The following CDKAL1 variants were observed in gnomAD, a reference collection of about 807,000 sequenced individuals.
The protein encoded by CDKAL1 is CDKAL1 threonylcarbamoyladenosine tRNA methylthiotransferase.
In CDKAL1, 32 loss-of-function variants were observed where a neutral mutation model predicts 68.2. The observed-to-expected ratio is 0.47, with a 90% CI of 0.35 to 0.63. The LOEUF (loss-of-function observed/expected upper bound fraction) is 0.63, where lower values mean the gene tolerates loss of function less well. CDKAL1 is among the 30% of genes least tolerant of loss of function. CDKAL1 has a pLI of 0.00. For synonymous variants in CDKAL1, 234 were observed against 244.3 expected (o/e 0.96, Z 0.39); for missense variants, 606 against 696.7 (o/e 0.87, Z 1.47).
intron 10 of CDKAL1, among the ~76,000 whole-genome samples, chr6:20,971,214 T>G (rs1438733565): frequency 6.6e-6 from 1 of 152,210 alleles, no homozygotes; most frequent in East Asian, 1.9e-4. Context: ...TTATTTCTAT[T>G]CTGATAGATA....
At chr6:20,951,621 A>C (rs1223438741) in intron 9 of CDKAL1, among the ~76,000 whole-genome samples, 1 of 152,158 alleles carries the variant, frequency 6.6e-6, no homozygotes, top group Non-Finnish European at 1.5e-5. Flanking sequence ...TTTCCTGTAC[A>C]GTGCATTTCA....
Position 20,740,248 on chromosome 6 carries a change from A to G in CDKAL1, c.468+633A>G, listed in dbSNP as rs9465876. 4.0e-3 allele frequency among the ~76,000 whole-genome samples: 610 copies of G among 152,252 alleles called. 3 individuals are homozygous for G. The highest frequency in any genetic ancestry group is 0.014 in the African/African-American group (568 of 41,526). On this transcript the variant is annotated intron_variant, in intron 6 of 15. Transcript: ENST00000274695. ...TAGCCTTTCCTGTGATACCTGGCAC[A>G]TAGTAAGCACTCAATAAGTGTTTGT...
At chr6:21,174,303 A>G (rs1777499076) in intron 13 of CDKAL1, among the ~76,000 whole-genome samples, 2 of 152,228 alleles carry the variant, frequency 1.3e-5, no homozygotes, top group Non-Finnish European at 2.9e-5. Flanking sequence ...TGATGATAGT[A>G]TCAACTGTCC....
At chr6:20,665,389 A>G (rs559414222) in intron 5 of CDKAL1, among the ~76,000 whole-genome samples, 1 of 152,278 alleles carries the variant, frequency 6.6e-6, no homozygotes, top group South Asian at 2.1e-4. Flanking sequence ...CTTAGGCACA[A>G]ATATACTAGA....
At chr6:20,993,696 T>C (rs984790415) in intron 10 of CDKAL1, 1 of 152,240 alleles carries the variant, frequency 6.6e-6, no homozygotes, top group African/African-American at 2.4e-5. Context: ...TATCCATACA[T>C]AGAACTGCTT....
At chr6:20,627,900 A>G (rs112175092) in intron 4 of CDKAL1, among the ~76,000 whole-genome samples, 1 of 152,154 alleles carries the variant, frequency 6.6e-6, no homozygotes, top group South Asian at 2.1e-4. Flanking sequence ...ATTTGCTGTT[A>G]GTATACAAAG....
intron 13 of CDKAL1, among the ~76,000 whole-genome samples, chr6:21,138,095 G>T (rs1775707646): frequency 6.6e-6 from 1 of 152,096 alleles, no homozygotes; most frequent in South Asian, 2.1e-4. Context: ...TTCAAATGAT[G>T]ATTACATCCC....
At chr6:21,035,359 C>A (rs1193575920) in intron 11 of CDKAL1, among the ~76,000 whole-genome samples, 1 of 152,060 alleles carries the variant, frequency 6.6e-6, no homozygotes, top group Non-Finnish European at 1.5e-5. Flanking sequence ...GTCTCCTACC[C>A]TGCTGGGGAT....
At chr6:20,971,650 G>C (rs1291249591) in intron 10 of CDKAL1, among the ~76,000 whole-genome samples, 1 of 152,052 alleles carries the variant, frequency 6.6e-6, no homozygotes. Flanking sequence ...TTTTATTCTA[G>C]TATCCTTCAA....
intron 12 of CDKAL1, among the ~76,000 whole-genome samples, chr6:21,081,263 T>TA (rs1290785899): frequency 1.3e-5 from 2 of 152,180 alleles, no homozygotes; most frequent in Non-Finnish European, 2.9e-5. Flanking sequence ...TGGCAGGTAT[T>TA]AGAGTTGAGA....
At chr6:21,004,395 T>C (rs1056430353) in intron 11 of CDKAL1, among the ~76,000 whole-genome samples, 1 of 152,196 alleles carries the variant, frequency 6.6e-6, no homozygotes, top group African/African-American at 2.4e-5. Context: ...TGTTGGCACA[T>C]GTTGAGGCAT....
intron 6 of CDKAL1, among the ~76,000 whole-genome samples, chr6:20,748,554 GGAAAAAAAAAAAA>G (rs1191954260): frequency 1.3e-5 from 1 of 77,088 alleles, no homozygotes; most frequent in African/African-American, 4.8e-5. Context: ...CTCTGTTTCT[GGAAAAAAAAAAAA>G]AAAAAAAAAA....
chr6:20,981,431 T>C (rs914084276), intron 10 of CDKAL1, among the ~76,000 whole-genome samples: 9 of 152,232 alleles, frequency 5.9e-5, no homozygotes, highest in African/African-American at 1.2e-4. Context: ...AAGTCTTAGA[T>C]ACCCCTTGCA....
intron 9 of CDKAL1, among the ~76,000 whole-genome samples, chr6:20,891,249 G>T (rs1428702945): frequency 6.6e-6 from 1 of 152,164 alleles, no homozygotes; most frequent in Admixed American, 6.5e-5. Flanking sequence ...CAGTGTCTCA[G>T]TCCTTCCTCT....
intron 7 of CDKAL1, among the ~76,000 whole-genome samples, chr6:20,764,290 A>T (rs1047411165): frequency 6.6e-6 from 1 of 152,208 alleles, no homozygotes; most frequent in African/African-American, 2.4e-5. Context: ...TTTACCAATC[A>T]ACCTCTGTTG....
At chr6:21,106,615 A>G (rs1243103341) in intron 12 of CDKAL1, among the ~76,000 whole-genome samples, 1 of 152,220 alleles carries the variant, frequency 6.6e-6, no homozygotes, top group Non-Finnish European at 1.5e-5. Context: ...AATAATACAC[A>G]TAAAAATACA....
At chr6:21,222,146 C>G (rs1779558384) in intron 15 of CDKAL1, among the ~76,000 whole-genome samples, 1 of 152,160 alleles carries the variant, frequency 6.6e-6, no homozygotes, top group Non-Finnish European at 1.5e-5. Flanking sequence ...ACTCTGCTGT[C>G]ACCAAAATAA....
chr6:20,743,722 G>A (rs1434060129), intron 6 of CDKAL1, among the ~76,000 whole-genome samples: 2 of 152,050 alleles, frequency 1.3e-5, no homozygotes, highest in Non-Finnish European at 2.9e-5. Context: ...TAACAACATT[G>A]AAACCAGAAA....
intron 6 of CDKAL1, among the ~76,000 whole-genome samples, chr6:20,753,980 T>C (rs1426289127): frequency 6.6e-6 from 1 of 151,958 alleles, no homozygotes; most frequent in Non-Finnish European, 1.5e-5. Flanking sequence ...TGTGTGTGTG[T>C]GTGTGTGTGT....
Sources: gnomAD v4.1 joint callset for allele counts (sites outside exome capture counted in the v4.1 genomes callset) on GRCh38, gnomAD v4.1.1 for gene constraint, MANE v1.5 for transcripts, NCBI Gene and HGNC (gene_info 2026-07-23, HGNC 2026-07-21) for gene names.